Variants in GUCY1A1 observed in about 807,000 individuals in gnomAD.
The protein encoded by GUCY1A1 is guanylate cyclase soluble subunit alpha-1.
GUCY1A1 carries 48 observed loss-of-function variants against 64.5 expected under a neutral mutation model. The ratio of observed to expected loss-of-function variants is 0.74; its 90% CI spans 0.59 to 0.95. The LOEUF (loss-of-function observed/expected upper bound fraction) is 0.95. Ranked by LOEUF, GUCY1A1 falls within the 40% of genes least tolerant of loss-of-function variation. GUCY1A1 has a pLI of 0.00. For synonymous variants in GUCY1A1, 308 were observed against 303.4 expected (o/e 1.02, Z -0.16); for missense variants, 804 against 825.3 (o/e 0.97, Z 0.32).
chr4:155,708,518 A>C (rs1732110753), intron 5 of GUCY1A1, among the ~76,000 whole-genome samples: 1 of 152,186 alleles, frequency 6.6e-6, no homozygotes, highest in Non-Finnish European at 1.5e-5. Context: ...AGATAAGGCT[A>C]GATGGGAAGC....
chr4:155,683,116 G>C (rs908793662), intron 2 of GUCY1A1, among the ~76,000 whole-genome samples: 1 of 152,090 alleles, frequency 6.6e-6, no homozygotes, highest in African/African-American at 2.4e-5. Context: ...GCAAAAGGAG[G>C]ATAGGAAATT....
rs1735459759 is a variant in GUCY1A1, at chr4:155,730,796, A to G, written c.*565A>G. ...TTTTTTTCTTTTTAGAAAATAAGCAATTAGGGGTTAGATGCAATATGAATA... is the reference window on the plus strand; with the variant it reads ...TTTTTTTCTTTTTAGAAAATAAGCAGTTAGGGGTTAGATGCAATATGAATA... On this transcript the variant is annotated 3_prime_UTR_variant, in exon 10 of 10. Transcript: ENST00000506455. 6.5e-6 allele frequency: 1 copy of G among 153,298 alleles called. No homozygotes were observed. Among genetic ancestry groups the G allele is most frequent in the Non-Finnish European group, 1.5e-5 (1 of 67,850 alleles). 9.5% of individuals were successfully genotyped at this position (153,298 alleles called of 1,614,324 possible).
chr4:155,718,487 G>A (rs535790419), intron 8 of GUCY1A1, among the ~76,000 whole-genome samples: 58 of 152,224 alleles, frequency 3.8e-4, no homozygotes, highest in African/African-American at 1.3e-3. Context: ...GTCATAGCAG[G>A]AATACCTCGT....
chr4:155,684,101 T>C (rs1195976395), intron 2 of GUCY1A1, among the ~76,000 whole-genome samples: 1 of 152,212 alleles, frequency 6.6e-6, no homozygotes, highest in African/African-American at 2.4e-5. Flanking sequence ...TCTGTCTTTA[T>C]ATTGACTTTT....
chr4:155,695,050 T>C (rs1167194491), intron 2 of GUCY1A1, among the ~76,000 whole-genome samples: 3 of 152,196 alleles, frequency 2.0e-5, no homozygotes, highest in African/African-American at 4.8e-5. Context: ...ATGCATAGGA[T>C]TTTCTTTTGT....
At chr4:155,700,482 T>A (rs1026064949) in intron 3 of GUCY1A1, among the ~76,000 whole-genome samples, 30 of 152,214 alleles carry the variant, frequency 2.0e-4, no homozygotes, top group African/African-American at 7.2e-4. Context: ...ATATTTTTAT[T>A]AAAATTCACA....
At chr4:155,726,702 T>C (rs562137694) in intron 9 of GUCY1A1, among the ~76,000 whole-genome samples, 2 of 152,152 alleles carry the variant, frequency 1.3e-5, no homozygotes, top group East Asian at 3.9e-4. Flanking sequence ...AATGTAGCAG[T>C]GTAATGACAG....
chr4:155,681,242 A>T (rs932395539), intron 2 of GUCY1A1, among the ~76,000 whole-genome samples: 5 of 152,126 alleles, frequency 3.3e-5, no homozygotes, highest in Non-Finnish European at 7.4e-5. Context: ...TTGGAGTGGG[A>T]GTCTCTTGTG....
At position 155,733,877 on chromosome 4, in the gene GUCY1A1, T is replaced by A. The variant is rs957213233; in HGVS notation, c.*3646T>A. Among the ~76,000 whole-genome samples the A allele has an allele frequency of 2.0e-5, 3 of 151,832 alleles. No homozygotes were observed. Among genetic ancestry groups the A allele is most frequent in the African/African-American group, 7.2e-5 (3 of 41,382 alleles). On this transcript the variant is annotated 3_prime_UTR_variant, in exon 10 of 10. Transcript: ENST00000506455. The stretch of plus-strand genomic sequence containing the variant: ...TTGCACAGGTGACTGAATGAACATC[T>A]GTTTATACATCAAGGGAAAATGATT...
At chr4:155,721,565 T>C (rs1329282717) in intron 8 of GUCY1A1, among the ~76,000 whole-genome samples, 2 of 152,168 alleles carry the variant, frequency 1.3e-5, no homozygotes, top group African/African-American at 2.4e-5. Context: ...TATAAAGCTA[T>C]TTTGAGGTAA....
chr4:155,713,078 G>T lies in GUCY1A1; in HGVS notation c.1087-20G>T, dbSNP rs1021581896. ...TGGGAAACTTGAATAAACCACAATT[G>T]GTTATCCTTTCCTTCATAGGTTATG... On this transcript the variant is annotated intron_variant, in intron 6 of 9. Transcript: ENST00000506455. 21 of 1,579,374 alleles carry T rather than the reference G, an allele frequency of 1.3e-5. No homozygotes were observed. Among genetic ancestry groups the T allele is most frequent in the Admixed American group, 3.5e-5 (2 of 56,370 alleles).
intron 2 of GUCY1A1, among the ~76,000 whole-genome samples, chr4:155,671,002 C>T (rs1182067851): frequency 6.6e-6 from 1 of 151,904 alleles, no homozygotes; most frequent in Non-Finnish European, 1.5e-5. Context: ...ATTGAAAGTA[C>T]CTGTTTAAAT....
In GUCY1A1 at chr4:155,734,271, G is replaced by A. The variant is rs918670837; in HGVS notation, c.*4040G>A. 6.6e-6 allele frequency among the ~76,000 whole-genome samples: 1 copy of A among 151,902 alleles called. No homozygotes were observed. The highest frequency in any genetic ancestry group is 2.4e-5 in the African/African-American group (1 of 41,412). On this transcript the variant is annotated 3_prime_UTR_variant, in exon 10 of 10. Transcript: ENST00000506455. ...GATTACCCAGCTGGAAAACTGCCCA[G>A]ATGGAGCTTTACATGCAAAGCTCCA...
chr4:155,704,250 G>C (rs772711323), intron 4 of GUCY1A1, among the ~76,000 whole-genome samples: 6 of 152,168 alleles, frequency 3.9e-5, no homozygotes, highest in African/African-American at 7.2e-5. Flanking sequence ...GCTGGGGTTC[G>C]AGCCTGGGTT....
At chr4:155,711,777 T>A (rs374677919) in intron 6 of GUCY1A1, among the ~76,000 whole-genome samples, 13 of 152,218 alleles carry the variant, frequency 8.5e-5, no homozygotes, top group African/African-American at 3.1e-4. Context: ...GAAAGTTTGC[T>A]AACTCATAGT....
chr4:155,687,938 A>C (rs1729204722), intron 2 of GUCY1A1, among the ~76,000 whole-genome samples: 1 of 152,070 alleles, frequency 6.6e-6, no homozygotes. Context: ...ACTCACCATT[A>C]CAGGGCCGGG....
At chr4:155,679,824 A>G (rs1735470373) in intron 2 of GUCY1A1, among the ~76,000 whole-genome samples, 1 of 152,156 alleles carries the variant, frequency 6.6e-6, no homozygotes, top group Admixed American at 6.5e-5. Flanking sequence ...TGGCATTTTT[A>G]TTAAAAAACA....
chr4:155,712,087 G>A (rs1211404857), intron 6 of GUCY1A1, among the ~76,000 whole-genome samples: 1 of 151,982 alleles, frequency 6.6e-6, no homozygotes, highest in Non-Finnish European at 1.5e-5. Flanking sequence ...GGTCTATTTG[G>A]CTTTCTTGGA....
chr4:155,720,271 A>G (rs1384170386), intron 8 of GUCY1A1, among the ~76,000 whole-genome samples: 1 of 152,138 alleles, frequency 6.6e-6, no homozygotes, highest in African/African-American at 2.4e-5. Context: ...TGCTCACAGA[A>G]AGCAAAAATT....
Sources: gnomAD v4.1 joint callset for allele counts (sites outside exome capture counted in the v4.1 genomes callset) on GRCh38, gnomAD v4.1.1 for gene constraint, MANE v1.5 for transcripts, NCBI Gene and HGNC (gene_info 2026-07-23, HGNC 2026-07-21) for gene names.